Variants in UNC79 observed in about 807,000 individuals in gnomAD.
UNC79 encodes protein unc-79 homolog.
In UNC79, 37 loss-of-function variants were observed where a neutral mutation model predicts 283.1. The observed-to-expected ratio is 0.13, with a 90% CI of 0.10 to 0.17. UNC79 has a LOEUF of 0.17. UNC79 is among the 10% of genes least tolerant of loss of function. UNC79 has a pLI of 1.00. For synonymous variants in UNC79, 1,107 were observed against 1,200.2 expected, an observed-to-expected ratio of 0.92 and a Z score of 1.61; for missense variants, 2,272 against 3,211.1, an observed-to-expected ratio of 0.71 and a Z score of 7.07.
chr14:93,705,169 C>T (rs1011059454), intron 48 of UNC79, among the ~76,000 whole-genome samples: 6 of 151,642 alleles, frequency 4.0e-5, no homozygotes, highest in South Asian at 4.2e-4. Context: ...CCCAGGAGTT[C>T]GAGGCTACAG....
intron 1 of UNC79, among the ~76,000 whole-genome samples, chr14:93,342,458 C>G (rs568341232): frequency 6.6e-6 from 1 of 152,340 alleles, no homozygotes; most frequent in East Asian, 1.9e-4. Flanking sequence ...CCTTCCTAGG[C>G]CTCTGGGCCT....
Position 93,412,447 on chromosome 14 carries a change from C to T in UNC79, c.-350-55224C>T, listed in dbSNP as rs2055354298. On this transcript the variant is annotated intron_variant, in intron 1 of 49. Transcript: ENST00000256339. ...CAAGTTCAAGAAGGCTATAGAACAC[C>T]AAGCAGATTTAACCCAAAGAAGACT... 2.0e-5 allele frequency among the ~76,000 whole-genome samples: 3 copies of T among 150,732 alleles called. No individual in the cohort carries two copies. In the Admixed American group the frequency reaches 2.0e-4, roughly 10 times the overall value.
chr14:93,405,426 C>T (rs2055207083), intron 1 of UNC79, among the ~76,000 whole-genome samples: 1 of 151,854 alleles, frequency 6.6e-6, no homozygotes, highest in Admixed American at 6.6e-5. Context: ...ATAAAAACCA[C>T]AAAGTGAGAG....
At chr14:93,386,864 A>G (rs1303175427) in intron 1 of UNC79, among the ~76,000 whole-genome samples, 2 of 148,600 alleles carry the variant, frequency 1.3e-5, no homozygotes, top group South Asian at 2.1e-4. Context: ...TTTTTAAAAA[A>G]CCAAGTTTTT....
intron 1 of UNC79, among the ~76,000 whole-genome samples, chr14:93,449,110 A>G (rs2056554366): frequency 6.6e-6 from 1 of 152,062 alleles, no homozygotes; most frequent in African/African-American, 2.4e-5. Flanking sequence ...ATCCTTTCAT[A>G]TTTAGTCCAC....
At chr14:93,359,267 G>A (rs2054170703) in intron 1 of UNC79, among the ~76,000 whole-genome samples, 1 of 152,200 alleles carries the variant, frequency 6.6e-6, no homozygotes, top group Non-Finnish European at 1.5e-5. Context: ...AAGGCTTAGG[G>A]AGATTGGTAT....
intron 7 of UNC79, among the ~76,000 whole-genome samples, chr14:93,503,945 A>G (rs1407414094): frequency 1.3e-5 from 2 of 151,874 alleles, no homozygotes; most frequent in African/African-American, 2.4e-5. Context: ...TAATTTTTCT[A>G]TATGGTATGA....
intron 23 of UNC79, among the ~76,000 whole-genome samples, chr14:93,595,006 C>T (rs1210252419): frequency 6.6e-6 from 1 of 151,714 alleles, no homozygotes; most frequent in Non-Finnish European, 1.5e-5. Context: ...TATGACAGCA[C>T]ATCATGTTGT....
intron 1 of UNC79, among the ~76,000 whole-genome samples, chr14:93,409,828 A>C (rs1233330142): frequency 6.6e-6 from 1 of 152,252 alleles, no homozygotes; most frequent in Non-Finnish European, 1.5e-5. Flanking sequence ...AATTCCAGTC[A>C]AAATTTCAAA....
chr14:93,427,704 G>A (rs545136548), upstream of UNC79, among the ~76,000 whole-genome samples: 1 of 151,576 alleles, frequency 6.6e-6, no homozygotes, highest in Non-Finnish European at 1.5e-5. Flanking sequence ...CAAGTTCCTA[G>A]AGCAGTGTTT....
rs150894484 is a variant in UNC79 at position 93,529,588 on chromosome 14, A to G, written c.1093+262A>G. On this transcript the variant is annotated intron_variant, in intron 10 of 48. Coordinates refer to ENST00000555664, the Ensembl canonical transcript of UNC79. ...ATTCCATACGACTAAAGCCCTGCCA[A>G]ATTATGTCTTCAGGGATTTTCTGTA... is the stretch of plus-strand genomic sequence containing the variant. Among the ~76,000 whole-genome samples the G allele has an allele frequency of 3.5e-4, 54 of 152,316 alleles. No individual in the cohort carries two copies. The East Asian group carries it at 9.6e-3, about 27-fold the overall frequency.
intron 1 of UNC79, among the ~76,000 whole-genome samples, chr14:93,418,522 A>G (rs1361712522): frequency 2.0e-5 from 3 of 151,294 alleles, no homozygotes; most frequent in African/African-American, 2.4e-5. Context: ...CTCCAGCTGC[A>G]TGCTGGGAGA....
At chr14:93,476,308 C>T (rs762358957) in intron 3 of UNC79, among the ~76,000 whole-genome samples, 3 of 152,272 alleles carry the variant, frequency 2.0e-5, no homozygotes, top group Middle Eastern at 3.4e-3. Context: ...CACCTCTCTC[C>T]GGACCTCAGT....
At chr14:93,590,050 A>G (rs1282287044) in intron 22 of UNC79, among the ~76,000 whole-genome samples, 2 of 152,138 alleles carry the variant, frequency 1.3e-5, no homozygotes, top group East Asian at 1.9e-4. Flanking sequence ...TGTCTTGGCT[A>G]TAGCTGCCTC....
At chr14:93,392,980 C>T (rs1393642544) in intron 1 of UNC79, among the ~76,000 whole-genome samples, 5 of 152,120 alleles carry the variant, frequency 3.3e-5, no homozygotes, top group African/African-American at 1.2e-4. Context: ...TTGTTTGGGT[C>T]ACCATTCTGA....
chr14:93,381,719 G>T (rs1342473078), intron 1 of UNC79, among the ~76,000 whole-genome samples: 1 of 152,214 alleles, frequency 6.6e-6, no homozygotes, highest in Non-Finnish European at 1.5e-5. Flanking sequence ...TTCCAGAAGA[G>T]ATATATTTGC....
intron 23 of UNC79, among the ~76,000 whole-genome samples, chr14:93,596,383 C>T (rs1430975136): frequency 6.6e-6 from 1 of 152,130 alleles, no homozygotes; most frequent in Non-Finnish European, 1.5e-5. Context: ...GCCTGTAATC[C>T]CAGCACTTTG....
At chr14:93,418,551 G>C (rs1463949982) in intron 1 of UNC79, among the ~76,000 whole-genome samples, 1 of 151,832 alleles carries the variant, frequency 6.6e-6, no homozygotes, top group Non-Finnish European at 1.5e-5. Context: ...TCTCTTCAAA[G>C]CTGTCAGACA....
chr14:93,333,293 C>T, exon 1 of UNC79: 1 of 371,880 alleles, frequency 2.7e-6, no homozygotes, highest in African/African-American at 2.1e-5. Context: ...CCTGCTTAGT[C>T]CAGCGAATTG....
Sources: allele counts gnomAD v4.1 joint callset (sites outside exome capture counted in the v4.1 genomes callset), GRCh38; gene constraint gnomAD v4.1.1; transcripts MANE v1.5; gene names NCBI Gene and HGNC (gene_info 2026-07-23, HGNC 2026-07-21).